The following THSD7B variants were observed in gnomAD, a reference collection of about 807,000 sequenced individuals.
THSD7B encodes thrombospondin type-1 domain-containing protein 7B.
In THSD7B, 138 loss-of-function variants were observed where a neutral mutation model predicts 213.6. The observed-to-expected ratio is 0.65, with a 90% CI of 0.56 to 0.74. THSD7B has a LOEUF of 0.74. THSD7B is among the 30% of genes least tolerant of loss of function. THSD7B has a pLI of 0.00. For missense variants in THSD7B, 1,931 were observed against 1,991.5 expected, an observed-to-expected ratio of 0.97 and a Z score of 0.58; for synonymous variants, 742 against 687.0, an observed-to-expected ratio of 1.08 and a Z score of -1.25.
chr2:137,445,783 G>T (rs1687524069), intron 14 of THSD7B, among the ~76,000 whole-genome samples: 1 of 151,848 alleles, frequency 6.6e-6, no homozygotes, highest in Non-Finnish European at 1.5e-5. Context: ...ACAAAGAAAA[G>T]ATACATGCTT....
chr2:137,427,379 C>T (rs1687082864), intron 14 of THSD7B, among the ~76,000 whole-genome samples: 1 of 152,146 alleles, frequency 6.6e-6, no homozygotes, highest in East Asian at 1.9e-4. Context: ...TGATTCACAA[C>T]AGCCAAGATA....
At position 136,933,300 on chromosome 2, in the gene THSD7B, C is replaced by T. The variant is rs140970450; in HGVS notation, c.139+50983C>T. On this transcript the variant is annotated intron_variant, in intron 2 of 27. Coordinates refer to ENST00000409968, the MANE Select transcript of THSD7B (RefSeq NM_001316349.2). ...TCAGAAAATTCTTAGTTTAGCCGGG[C>T]GTGGTGGCTCACACCTGTAATCCTA... Among the ~76,000 whole-genome samples the T allele has an allele frequency of 1.7e-3, 261 of 152,166 alleles. 1 individual carries two copies. The highest frequency in any genetic ancestry group is 6.1e-3 in the African/African-American group (253 of 41,512).
chr2:137,576,745 C>T (rs569236073), intron 17 of THSD7B, among the ~76,000 whole-genome samples: 15 of 151,478 alleles, frequency 9.9e-5, no homozygotes, highest in African/African-American at 3.1e-4. Context: ...AAATGCATGC[C>T]GGTTTTCTGA....
At chr2:137,667,902 A>G (rs970503016) in intron 27 of THSD7B, 41 bp downstream of exon 27, 14 of 1,465,670 alleles carry the variant, frequency 9.6e-6, no homozygotes, top group Non-Finnish European at 1.2e-5. Flanking sequence ...CCGTATTTTT[A>G]TGGATTTCAT....
At chr2:137,037,535 T>C (rs1439624835) in intron 2 of THSD7B, among the ~76,000 whole-genome samples, 1 of 152,142 alleles carries the variant, frequency 6.6e-6, no homozygotes, top group African/African-American at 2.4e-5. Context: ...TCCGCTGTTA[T>C]CATTTTTCAC....
chr2:137,047,042 T>C (rs1424518424), intron 2 of THSD7B, among the ~76,000 whole-genome samples: 2 of 152,194 alleles, frequency 1.3e-5, no homozygotes, highest in Non-Finnish European at 2.9e-5. Context: ...ATTTGAATTA[T>C]TAAAAGATAT....
chr2:136,815,846 C>T (rs1339521582), intron 1 of THSD7B, among the ~76,000 whole-genome samples: 2 of 152,048 alleles, frequency 1.3e-5, no homozygotes, highest in Non-Finnish European at 2.9e-5. Flanking sequence ...TCTTCTTCCA[C>T]TTGGGAGAGA....
chr2:137,572,517 T>C lies in THSD7B; in HGVS notation c.3384T>C (p.Cys1128=). The C allele has an allele frequency of 6.2e-7, 1 of 1,613,896 alleles. No individual in the cohort carries two copies. The highest frequency in any genetic ancestry group is 8.5e-7 in the Non-Finnish European group (1 of 1,179,838). The change falls in exon 17 of 28, where the codon TGT becomes TGC. Residue 1128 remains cysteine, a synonymous_variant. Transcript: ENST00000409968. ...QSCSLMCPNE[C]VMSEWGLWSK... Reference sequence around the variant, plus strand: ...GTTCTCTTATGTGTCCCAATGAGTGTGTCATGTCTGAGTGGGGACTTTGGA... The same window carrying C: ...GTTCTCTTATGTGTCCCAATGAGTGCGTCATGTCTGAGTGGGGACTTTGGA...
At chr2:136,766,020 G>C (rs1255922128) in intron 1 of THSD7B, among the ~76,000 whole-genome samples, 1 of 152,178 alleles carries the variant, frequency 6.6e-6, no homozygotes, top group Non-Finnish European at 1.5e-5. Context: ...CGGGCAGCAG[G>C]AGCTCTGTTC....
chr2:137,453,021 C>T (rs772088233), intron 15 of THSD7B, among the ~76,000 whole-genome samples: 4 of 152,038 alleles, frequency 2.6e-5, no homozygotes, highest in Non-Finnish European at 4.4e-5. Context: ...AAGACATTTT[C>T]TCTTTGGTTT....
intron 27 of THSD7B, among the ~76,000 whole-genome samples, chr2:137,674,458 T>C (rs1350445410): frequency 6.6e-6 from 1 of 152,154 alleles, no homozygotes; most frequent in African/African-American, 2.4e-5. Context: ...TCAGATTGCC[T>C]CACCCTCTGG....
intron 2 of THSD7B, among the ~76,000 whole-genome samples, chr2:136,928,475 A>G (rs1185517061): frequency 6.6e-6 from 1 of 152,182 alleles, no homozygotes; most frequent in East Asian, 1.9e-4. Context: ...GTTTGACATT[A>G]TTGTAATCCA....
intron 5 of THSD7B, among the ~76,000 whole-genome samples, chr2:137,138,889 C>T (rs1166539764): frequency 2.0e-5 from 3 of 152,068 alleles, no homozygotes; most frequent in Non-Finnish European, 4.4e-5. Flanking sequence ...CTCAGCAAGT[C>T]TTGGTGTCAT....
At chr2:137,047,910 ATTTGT>A (rs1686998303) in intron 2 of THSD7B, among the ~76,000 whole-genome samples, 1 of 152,088 alleles carries the variant, frequency 6.6e-6, no homozygotes, top group African/African-American at 2.4e-5. Context: ...ACAGTTTTTT[ATTTGT>A]TTTTTTATTA....
chr2:137,139,543 AC>A (rs1679540193), intron 5 of THSD7B, among the ~76,000 whole-genome samples: 1 of 152,160 alleles, frequency 6.6e-6, no homozygotes. Flanking sequence ...GGAACATGGT[AC>A]TAAGAGGATT....
At chr2:136,932,998 A>T (rs1684656450) in intron 2 of THSD7B, among the ~76,000 whole-genome samples, 1 of 152,130 alleles carries the variant, frequency 6.6e-6, no homozygotes, top group Admixed American at 6.6e-5. Flanking sequence ...ACAGTGGTTA[A>T]AAGAAAGGCG....
intron 3 of THSD7B, among the ~76,000 whole-genome samples, chr2:137,059,135 C>T (rs1687223827): frequency 6.6e-6 from 1 of 151,772 alleles, no homozygotes; most frequent in African/African-American, 2.4e-5. Flanking sequence ...TTAAAGATGG[C>T]CATCTTCTTG....
chr2:137,426,709 G>A (rs946317209), intron 14 of THSD7B, among the ~76,000 whole-genome samples: 8 of 152,076 alleles, frequency 5.3e-5, no homozygotes, highest in Admixed American at 4.6e-4. Context: ...ACTCAAAGAA[G>A]ACATAAGGGA....
intron 15 of THSD7B, among the ~76,000 whole-genome samples, chr2:137,527,433 TG>T (rs1266903130): frequency 6.6e-6 from 1 of 152,134 alleles, no homozygotes; most frequent in Non-Finnish European, 1.5e-5. Context: ...AATTCATCAA[TG>T]AGTATAATTG....
Sources: allele counts gnomAD v4.1 joint callset (sites outside exome capture counted in the v4.1 genomes callset), GRCh38; gene constraint gnomAD v4.1.1; transcripts MANE v1.5; gene names NCBI Gene and HGNC (gene_info 2026-07-23, HGNC 2026-07-21).